Variants in MYH13 observed in about 807,000 individuals in gnomAD.
MYH13 encodes the protein myosin heavy chain 13, also known as myosin-13.
In MYH13, 177 loss-of-function variants were observed where a neutral mutation model predicts 232.1. That is an observed-to-expected ratio of 0.76 (90% CI 0.67 to 0.86). The LOEUF (loss-of-function observed/expected upper bound fraction) is 0.86, where lower values mean the gene tolerates loss of function less well. MYH13 is among the 40% of genes least tolerant of loss of function. The pLI is 0.00. For missense variants in MYH13, 2,246 were observed against 2,405.9 expected, an observed-to-expected ratio of 0.93 and a Z score of 1.39; for synonymous variants, 884 against 923.5, an observed-to-expected ratio of 0.96 and a Z score of 0.78.
intron 23 of MYH13, among the ~76,000 whole-genome samples, chr17:10,322,091 G>A (rs1015809755): frequency 3.9e-5 from 6 of 152,186 alleles, no homozygotes; most frequent in South Asian, 2.1e-4. Flanking sequence ...GAGGCGTGAG[G>A]TCCTACGCAA....
intron 9 of MYH13, 32 bp downstream of exon 9, chr17:10,355,052 C>A (rs1314723077): frequency 1.9e-6 from 3 of 1,609,444 alleles, no homozygotes; most frequent in Non-Finnish European, 2.5e-6. Flanking sequence ...GTGGCCAAAA[C>A]ACCAACGGAT....
At chr17:10,326,812 T>C (rs2142240866) in intron 22 of MYH13, among the ~76,000 whole-genome samples, 1 of 149,530 alleles carries the variant, frequency 6.7e-6, no homozygotes, top group Admixed American at 6.7e-5. Flanking sequence ...ACTATGTATC[T>C]TTAAAGCACT....
chr17:10,324,126 T>C lies in MYH13; in HGVS notation c.2830A>G (p.Lys944Glu), dbSNP rs1176447655. The stretch of plus-strand genomic sequence containing the variant: ...GAGCATTTATCTTCCAGATTCCTCT[T>C]CTTGGCAACCAATTCAGAATTCATC... The part of the protein sequence containing the change: ...EEMNSELVAK[K>E]RNLEDKCSSL... Residue 944 changes from lysine to glutamate, a missense_variant, in exon 23 of 41, where the codon AAG (lysine) becomes GAG (glutamate). Lys to Glu is a moderately conservative substitution (Grantham distance 56, BLOSUM62 1). Transcript: ENST00000252172. The C allele has an allele frequency of 5.0e-6, 8 of 1,613,992 alleles. No homozygotes were observed. The highest frequency in any genetic ancestry group is 6.8e-6 in the Non-Finnish European group (8 of 1,179,882).
Position 10,313,041 on chromosome 17 carries a change from G to A in MYH13, c.4181+117C>T, listed in dbSNP as rs117603844. 1.3e-3 allele frequency: 2,021 copies of A among 1,499,356 alleles called. 32 individuals are homozygous for A. In the East Asian group the frequency reaches 0.033, roughly 24 times the overall value. 92.9% of individuals were successfully genotyped at this position (1,499,356 alleles called of 1,614,324 possible). ...CCAGAGGGTGGGGGGTACAATCCGA[G>A]TGTTTCAGAAACCACAAAGGCGTGG... On this transcript the variant is annotated intron_variant, in intron 30 of 40. Coordinates refer to ENST00000252172, the MANE Select transcript of MYH13 (RefSeq NM_003802.3).
At chr17:10,305,355 G>A (rs1485201421) in intron 37 of MYH13, among the ~76,000 whole-genome samples, 1 of 152,186 alleles carries the variant, frequency 6.6e-6, no homozygotes, top group African/African-American at 2.4e-5. Flanking sequence ...GGGGATAATT[G>A]AAAATAAACA....
intron 2 of MYH13, among the ~76,000 whole-genome samples, chr17:10,369,384 A>G (rs1597391839): frequency 6.6e-6 from 1 of 152,136 alleles, no homozygotes; most frequent in Non-Finnish European, 1.5e-5. Context: ...GTGAATATTC[A>G]CTAGGTCTGG....
rs1380368108 is a variant in MYH13 at position 10,349,040 on chromosome 17, CTTCCCTTCCCTTCCCTTCCT to C, written c.1144+1496_1144+1515del. Among the ~76,000 whole-genome samples the C allele has an allele frequency of 5.2e-4, 78 of 149,758 alleles. 2 individuals are homozygous for C. Among genetic ancestry groups the C allele is most frequent in the Admixed American group, 4.5e-3 (68 of 14,968 alleles). ...TCCCTTCCTTCTCCCTTCCTTCTCC[CTTCCCTTCCCTTCCCTTCCT>C]TTCCCTTCCCTTCCCTTCTCCCCCT... On this transcript the variant is annotated intron_variant, in intron 12 of 40. Coordinates refer to ENST00000252172, the MANE Select transcript of MYH13 (RefSeq NM_003802.3).
chr17:10,322,408 CAGAA>C (rs936383293), intron 23 of MYH13, among the ~76,000 whole-genome samples: 6 of 151,914 alleles, frequency 3.9e-5, no homozygotes, highest in Non-Finnish European at 5.9e-5. Flanking sequence ...AAAATAAAGA[CAGAA>C]AGAAAGAAAG....
Position 10,345,749 on chromosome 17 carries a change from C to T in MYH13, c.1264-133G>A, listed in dbSNP as rs112179982. The T allele has an allele frequency of 5.4e-3, 8,017 of 1,478,666 alleles. 28 individuals carry two copies. Among genetic ancestry groups the T allele is most frequent in the Non-Finnish European group, 6.9e-3 (7,426 of 1,077,682 alleles). 91.6% of individuals were successfully genotyped at this position (1,478,666 alleles called of 1,614,324 possible). A position where few individuals can be genotyped will look rare whatever the true frequency, so the allele number is the denominator to read the frequency against. On this transcript the variant is annotated intron_variant, in intron 13 of 40. Coordinates refer to ENST00000252172, the MANE Select transcript of MYH13 (RefSeq NM_003802.3). ...GTGGCTCACACCTGTAATCCCAGCA[C>T]TTTGGGAGGCCAAGGCGGGCGGATC...
chr17:10,301,424 C>G, intron 40 of MYH13, 145 bp downstream of exon 40: 4 of 1,287,554 alleles, frequency 3.1e-6, no homozygotes, highest in Non-Finnish European at 4.3e-6. Flanking sequence ...CCCCCTACAT[C>G]TCAGGTACCT....
At position 10,324,593 on chromosome 17, in the gene MYH13, T is replaced by G. The variant is rs550866698; in HGVS notation, c.2692-329A>C. Among the ~76,000 whole-genome samples, 3 of 151,368 alleles carry G rather than the reference T, an allele frequency of 2.0e-5. No homozygotes were observed. In the South Asian group the frequency reaches 6.3e-4, roughly 32 times the overall value. On this transcript the variant is annotated intron_variant, in intron 22 of 40. Transcript: ENST00000252172. Reference sequence around the variant, plus strand: ...CCGAGTTGCTGGGATTACAGGCATGTGCTACCATGCCTGGCTAATCTTTGT... The same window carrying G: ...CCGAGTTGCTGGGATTACAGGCATGGGCTACCATGCCTGGCTAATCTTTGT...
In MYH13 at chr17:10,328,099, A is replaced by T. The variant is rs753086074; in HGVS notation, c.2458T>A (p.Tyr820Asn). 2 of 1,614,044 alleles carry T rather than the reference A, an allele frequency of 1.2e-6. No individual in the cohort carries two copies. The highest frequency in any genetic ancestry group is 1.3e-5 in the African/African-American group (1 of 75,020). Residue 820 changes from tyrosine (Y) to asparagine (N), a missense_variant, in exon 22 of 41, where the codon TAC becomes AAC. By Grantham distance (143) the Tyr-to-Asn change is moderately radical. Coordinates refer to ENST00000252172, the MANE Select transcript of MYH13 (RefSeq NM_003802.3). Reference protein sequence around the residue: ...ERRDSIFCIQYNIRSFMNVKH... With the variant: ...ERRDSIFCIQNNIRSFMNVKH... ...ACGTTCATAAAAGAGCGGATGTTGT[A>T]CTGGATGCAGAAGATGGAGTCCCTG...
At chr17:10,361,180 T>C (rs573352249) in intron 5 of MYH13, among the ~76,000 whole-genome samples, 1 of 152,310 alleles carries the variant, frequency 6.6e-6, no homozygotes, top group Non-Finnish European at 1.5e-5. Context: ...AAATATTAAG[T>C]TTGCAGACAT....
chr17:10,372,005 T>G (rs1420188858), intron 1 of MYH13, among the ~76,000 whole-genome samples: 1 of 152,172 alleles, frequency 6.6e-6, no homozygotes, highest in Non-Finnish European at 1.5e-5. Context: ...TACCATTCAG[T>G]GCTTTTATGG....
At chr17:10,345,991 C>CAA (rs1211414796) in intron 13 of MYH13, among the ~76,000 whole-genome samples, 2,343 of 82,716 alleles carry the variant, frequency 0.028, 212 homozygotes, top group African/African-American at 0.08. Context: ...GACTCTGTCT[C>CAA]AAAAAAAAAA....
intron 16 of MYH13, among the ~76,000 whole-genome samples, chr17:10,340,843 C>A (rs2071614881): frequency 6.6e-6 from 1 of 151,728 alleles, no homozygotes; most frequent in African/African-American, 2.4e-5. Flanking sequence ...GGATTAAGAA[C>A]CCTCAGCTTT....
chr17:10,350,884 CTA>C, intron 11 of MYH13, 190 bp from the exon 12 acceptor site: 3 of 677,724 alleles, frequency 4.4e-6, no homozygotes, highest in Non-Finnish European at 7.8e-6. Flanking sequence ...TGGGTGAAGA[CTA>C]TGGGAAAAAG....
In MYH13 at chr17:10,312,739, C is replaced by A; in HGVS notation, c.4200G>T (p.Arg1400Ser). 2 of 1,607,600 alleles carry A rather than the reference C, an allele frequency of 1.2e-6. No individual in the cohort carries two copies. Among genetic ancestry groups the A allele is most frequent in the Admixed American group, 1.7e-5 (1 of 58,292 alleles). The change falls in exon 31 of 41, where the codon AGG becomes AGT. Residue 1400 changes from arginine (R) to serine (S), a missense_variant. Transcript: ENST00000252172. The part of the protein sequence containing the change: ...LEEAKKKLAQ[R>S]LQEAEENTET... ...CCGTGTTCTCCTCTGCTTCCTGGAG[C>A]CTCTGGGCCAGTTTTTTCCTACGAA... is the stretch of plus-strand genomic sequence containing the variant.
rs115449280 is a variant in MYH13 at position 10,370,171 on chromosome 17, G to C, written c.-13+1038C>G. 2.3e-3 allele frequency among the ~76,000 whole-genome samples: 346 copies of C among 152,330 alleles called. 1 individual carries two copies. Among genetic ancestry groups the C allele is most frequent in the African/African-American group, 7.9e-3 (330 of 41,574 alleles). On this transcript the variant is annotated intron_variant, in intron 2 of 40. Transcript: ENST00000252172. ...CTCTCTTGACCTAGGTGTCATGCTT[G>C]AGGTGGTGATTGCCTGTTGGCAGCC...
Sources: allele counts gnomAD v4.1 joint callset (sites outside exome capture counted in the v4.1 genomes callset), GRCh38; gene constraint gnomAD v4.1.1; transcripts MANE v1.5; gene names NCBI Gene and HGNC (gene_info 2026-07-23, HGNC 2026-07-21).